The following CNTN5 variants were observed in gnomAD, a reference collection of about 807,000 sequenced individuals.
The protein encoded by CNTN5 is contactin 5.
In CNTN5, 77 loss-of-function variants were observed where a neutral mutation model predicts 129.1. The ratio of observed to expected loss-of-function variants is 0.60; its 90% CI spans 0.50 to 0.72. The LOEUF (loss-of-function observed/expected upper bound fraction) is 0.72. Ranked by LOEUF, CNTN5 falls within the 30% of genes least tolerant of loss-of-function variation. The probability of loss-of-function intolerance (pLI) is 0.00; values close to 1 mark genes in which losing one functional copy is unlikely to be tolerated. For missense variants in CNTN5, 1,478 were observed against 1,328.8 expected (o/e 1.11, Z -1.75); for synonymous variants, 509 against 465.6 (o/e 1.09, Z -1.20).
intron 9 of CNTN5, among the ~76,000 whole-genome samples, chr11:100,034,946 C>A (rs1361110378): frequency 1.3e-5 from 2 of 151,956 alleles, no homozygotes; most frequent in African/African-American, 4.8e-5. Flanking sequence ...AACAACCATA[C>A]AAAACTTCTT....
intron 13 of CNTN5, among the ~76,000 whole-genome samples, chr11:100,091,244 C>T (rs1248265610): frequency 6.6e-6 from 1 of 151,420 alleles, no homozygotes; most frequent in East Asian, 2.0e-4. Flanking sequence ...CAGAGTGTTG[C>T]CTTATGGTCT....
chr11:100,292,759 A>G (rs1951017549), intron 18 of CNTN5, among the ~76,000 whole-genome samples: 1 of 151,982 alleles, frequency 6.6e-6, no homozygotes, highest in Non-Finnish European at 1.5e-5. Flanking sequence ...GAGGCAGGCA[A>G]TGAGAAAGAG....
chr11:100,059,368 A>G (rs1201997793), intron 9 of CNTN5, among the ~76,000 whole-genome samples: 1 of 152,142 alleles, frequency 6.6e-6, no homozygotes, highest in Non-Finnish European at 1.5e-5. Flanking sequence ...CAGGAAGGAA[A>G]CTATAGACGT....
At position 99,439,290 on chromosome 11, in the gene CNTN5, C is replaced by CTG. The variant is rs148178714; in HGVS notation, c.-71+113819_-71+113820dup. Among the ~76,000 whole-genome samples the CTG allele has an allele frequency of 4.3e-4, 65 of 151,094 alleles. No homozygotes were observed. In the East Asian group the frequency reaches 0.011, roughly 24 times the overall value. ...CTAGTTCATTTAGATGTGTAGATCT[C>CTG]TGTGTGTGTGTGTGCGTGTGTGTGT... is the stretch of plus-strand genomic sequence containing the variant. On this transcript the variant is annotated intron_variant, in intron 2 of 24. Transcript: ENST00000524871.
chr11:99,229,216 A>AT (rs994326334), intron 1 of CNTN5, among the ~76,000 whole-genome samples: 3 of 152,012 alleles, frequency 2.0e-5, no homozygotes, highest in Non-Finnish European at 4.4e-5. Context: ...TTAACATTGA[A>AT]TTTTTTATCC....
chr11:99,762,574 G>A (rs993798080), intron 3 of CNTN5, among the ~76,000 whole-genome samples: 3 of 151,872 alleles, frequency 2.0e-5, no homozygotes, highest in African/African-American at 7.3e-5. Context: ...TCAGATAGTT[G>A]TAGATATGCG....
intron 3 of CNTN5, among the ~76,000 whole-genome samples, chr11:99,588,145 C>T (rs1949862791): frequency 1.3e-5 from 2 of 152,122 alleles, no homozygotes; most frequent in Admixed American, 6.5e-5. Flanking sequence ...AGATGGATAC[C>T]ATCCTGGCTA....
intron 8 of CNTN5, among the ~76,000 whole-genome samples, chr11:99,983,709 A>T (rs111988679): frequency 7.9e-5 from 12 of 152,284 alleles, no homozygotes; most frequent in African/African-American, 2.6e-4. Flanking sequence ...CCAAATAGAT[A>T]TGATTTTGGA....
At position 99,348,441 on chromosome 11, in the gene CNTN5, G is replaced by A. The variant is rs566176402; in HGVS notation, c.-71+22957G>A. Among the ~76,000 whole-genome samples the A allele has an allele frequency of 1.3e-3, 199 of 152,302 alleles. 5 individuals are homozygous for A. In the South Asian group the frequency reaches 0.039, roughly 30 times the overall value. ...TTGATAACTCTTCTACTACCATGTA[G>A]TTATGATATTTTTGATTATATTGAA... On this transcript the variant is annotated intron_variant, in intron 2 of 24. Transcript: ENST00000524871.
chr11:99,787,088 A>G (rs567154013), intron 3 of CNTN5, among the ~76,000 whole-genome samples: 3 of 40,184 alleles, frequency 7.5e-5, no homozygotes, highest in East Asian at 3.6e-4. Context: ...CTGAAACTAC[A>G]TGTTTTTTTT....
At chr11:99,362,944 A>G (rs1312155954) in intron 2 of CNTN5, among the ~76,000 whole-genome samples, 1 of 152,084 alleles carries the variant, frequency 6.6e-6, no homozygotes, top group East Asian at 1.9e-4. Flanking sequence ...TAAAACCAGA[A>G]AGCATGAGTC....
At chr11:100,248,618 A>C (rs1232919571) in intron 16 of CNTN5, among the ~76,000 whole-genome samples, 1 of 152,136 alleles carries the variant, frequency 6.6e-6, no homozygotes, top group African/African-American at 2.4e-5. Context: ...CAAACAATAG[A>C]CGTATAAAGC....
chr11:100,260,790 A>G (rs879904491), intron 17 of CNTN5, among the ~76,000 whole-genome samples: 1 of 152,186 alleles, frequency 6.6e-6, no homozygotes, highest in Non-Finnish European at 1.5e-5. Flanking sequence ...CTGATGGAAC[A>G]TATCTCAAAA....
intron 9 of CNTN5, among the ~76,000 whole-genome samples, chr11:100,034,992 T>C (rs1432137790): frequency 6.6e-6 from 1 of 152,094 alleles, no homozygotes; most frequent in Non-Finnish European, 1.5e-5. Context: ...TTATTATACT[T>C]TAAGTTTTAG....
chr11:100,047,080 G>T (rs1458317229), intron 9 of CNTN5, among the ~76,000 whole-genome samples: 1 of 152,050 alleles, frequency 6.6e-6, no homozygotes, highest in Non-Finnish European at 1.5e-5. Flanking sequence ...TCTGCATTAG[G>T]ATCTCATTGA....
chr11:99,306,050 A>G (rs1462592036), intron 1 of CNTN5, among the ~76,000 whole-genome samples: 1 of 152,182 alleles, frequency 6.6e-6, no homozygotes, highest in Non-Finnish European at 1.5e-5. Flanking sequence ...GATACATTGA[A>G]GAACTAAAAT....
chr11:99,974,750 G>A (rs1565742823), intron 8 of CNTN5, among the ~76,000 whole-genome samples: 1 of 152,108 alleles, frequency 6.6e-6, no homozygotes, highest in African/African-American at 2.4e-5. Flanking sequence ...TCTATCAAGA[G>A]AATGCAGAGA....
chr11:100,048,138 A>C (rs1487955823), intron 9 of CNTN5, among the ~76,000 whole-genome samples: 1 of 152,136 alleles, frequency 6.6e-6, no homozygotes, highest in Non-Finnish European at 1.5e-5. Flanking sequence ...CTCTCAAAAA[A>C]AATAAAAAGA....
chr11:99,536,772 AG>A, intron 2 of CNTN5, among the ~76,000 whole-genome samples: 1 of 151,868 alleles, frequency 6.6e-6, no homozygotes, highest in East Asian at 1.9e-4. Context: ...AAAAATGCTT[AG>A]GAAGTCCTGC....
Sources: gnomAD v4.1 joint callset for allele counts (sites outside exome capture counted in the v4.1 genomes callset) on GRCh38, gnomAD v4.1.1 for gene constraint, MANE v1.5 for transcripts, NCBI Gene and HGNC (gene_info 2026-07-23, HGNC 2026-07-21) for gene names.